Variants in AK8 observed in about 807,000 individuals in gnomAD.
AK8 encodes ATP-AMP transphosphorylase 8.
A neutral mutation model predicts 54.6 loss-of-function variants in AK8; 44 were observed. That is an observed-to-expected ratio of 0.81 (90% CI 0.63 to 1.04). The LOEUF (loss-of-function observed/expected upper bound fraction) is 1.04, where lower values mean the gene tolerates loss of function less well. Among genes scored for constraint, AK8 ranks in the 50% least tolerant of loss-of-function variants. The pLI, the probability that AK8 is intolerant of heterozygous loss-of-function variation, is 0.00. For missense variants in AK8, 555 were observed against 613.6 expected (o/e 0.90, Z 1.01); for synonymous variants, 239 against 245.6 (o/e 0.97, Z 0.25).
intron 11 of AK8, among the ~76,000 whole-genome samples, chr9:132,753,941 G>A (rs1462863373): frequency 2.6e-5 from 4 of 152,226 alleles, no homozygotes; most frequent in African/African-American, 9.6e-5. Flanking sequence ...AGCCCTCCAG[G>A]TGGGATAAGT....
chr9:132,773,908 G>A (rs1241332847), intron 11 of AK8, among the ~76,000 whole-genome samples: 2 of 152,186 alleles, frequency 1.3e-5, no homozygotes, highest in Non-Finnish European at 2.9e-5. Flanking sequence ...TCTGAAAGAA[G>A]AAACACCATG....
rs115215829 is a variant in AK8 at position 132,801,827 on chromosome 9, T to C, written c.980-9052A>G. On this transcript the variant is annotated intron_variant, in intron 10 of 12. Transcript: ENST00000298545. ...CCCTATGAAAGAAGTAGTCACAGTATCCCATTTTACAGATTAGAAAACTAA... is the reference window on the plus strand; with the variant it reads ...CCCTATGAAAGAAGTAGTCACAGTACCCCATTTTACAGATTAGAAAACTAA... Among the ~76,000 whole-genome samples, 745 of 152,330 alleles carry C rather than the reference T, an allele frequency of 4.9e-3. 7 individuals carry two copies. The highest frequency in any genetic ancestry group is 0.017 in the African/African-American group (687 of 41,574).
chr9:132,864,963 C>T (rs1588232442), intron 3 of AK8, among the ~76,000 whole-genome samples: 1 of 152,224 alleles, frequency 6.6e-6, no homozygotes, highest in African/African-American at 2.4e-5. Flanking sequence ...ATCTGTCATC[C>T]TCATTCCCAA....
chr9:132,788,038 AAAC>A (rs989868380), intron 11 of AK8, among the ~76,000 whole-genome samples: 25 of 152,246 alleles, frequency 1.6e-4, no homozygotes, highest in South Asian at 2.1e-4. Flanking sequence ...ACCAAAAAAA[AAAC>A]AACAACCTGA....
At chr9:132,808,240 A>C (rs531539155) in intron 10 of AK8, among the ~76,000 whole-genome samples, 1 of 152,310 alleles carries the variant, frequency 6.6e-6, no homozygotes, top group South Asian at 2.1e-4. Flanking sequence ...TGGTGACTTT[A>C]ATGGAGGTTG....
At chr9:132,851,011 G>A (rs1235472512) in intron 5 of AK8, among the ~76,000 whole-genome samples, 1 of 152,144 alleles carries the variant, frequency 6.6e-6, no homozygotes, top group African/African-American at 2.4e-5. Context: ...AACACACAGG[G>A]CAGCTATTCG....
rs538168512 is a variant in AK8 at position 132,878,068 on chromosome 9, C to G, written c.84+104G>C. ...ATCCCGAGTTGGGCTGCTTCGTGGG[C>G]GCGCGACTCGGCCCCAGCTGCGGGT... On this transcript the variant is annotated intron_variant, in intron 1 of 12. Coordinates refer to ENST00000298545, the MANE Select transcript of AK8 (RefSeq NM_152572.3). This position sits in a 1 kb window ranked among gnomAD's most constrained non-coding sequence, Gnocchi z 4.7. The G allele has an allele frequency of 1.3e-4, 201 of 1,535,354 alleles. 1 individual carries two copies. In the African/African-American group the frequency reaches 2.6e-3, roughly 20 times the overall value.
At chr9:132,746,053 G>A (rs899972267) in intron 11 of AK8, among the ~76,000 whole-genome samples, 2 of 152,090 alleles carry the variant, frequency 1.3e-5, no homozygotes, top group African/African-American at 2.4e-5. Flanking sequence ...CGGGGATGTC[G>A]AGTTTAGGGA....
intron 11 of AK8, among the ~76,000 whole-genome samples, chr9:132,728,948 AG>A (rs1490886522): frequency 1.3e-5 from 2 of 151,444 alleles, no homozygotes; most frequent in African/African-American, 4.9e-5. Flanking sequence ...ATTGTTGCTC[AG>A]GCTGGAGTGC....
At chr9:132,775,689 C>G (rs1369410159) in intron 11 of AK8, among the ~76,000 whole-genome samples, 2 of 152,200 alleles carry the variant, frequency 1.3e-5, no homozygotes, top group Non-Finnish European at 2.9e-5. Context: ...GACCCCATCT[C>G]TTCCTCAAGA....
intron 11 of AK8, among the ~76,000 whole-genome samples, chr9:132,749,423 C>T (rs1837801082): frequency 6.6e-6 from 1 of 151,832 alleles, no homozygotes; most frequent in Non-Finnish European, 1.5e-5. Flanking sequence ...TGTGCGAGGC[C>T]CCTCGTAAGG....
intron 10 of AK8, among the ~76,000 whole-genome samples, chr9:132,798,782 C>T (rs1458414348): frequency 6.6e-6 from 1 of 152,076 alleles, no homozygotes; most frequent in Non-Finnish European, 1.5e-5. Flanking sequence ...ATTTATTCCC[C>T]GCGGGGCTGG....
At position 132,799,538 on chromosome 9, in the gene AK8, CACT is replaced by C. The variant is rs941573385; in HGVS notation, c.980-6766_980-6764del. ...ATGTCTACACACACGACACCTGACA[CACT>C]ACAACACACACAGGCACGCACACAC... On this transcript the variant is annotated intron_variant, in intron 10 of 12. Transcript: ENST00000298545. This position sits in a 1 kb window ranked among gnomAD's most constrained non-coding sequence, Gnocchi z 5.0. 5.9e-5 allele frequency among the ~76,000 whole-genome samples: 9 copies of C among 151,902 alleles called. No individual in the cohort carries two copies. The highest frequency in any genetic ancestry group is 9.7e-5 in the African/African-American group (4 of 41,312).
intron 5 of AK8, among the ~76,000 whole-genome samples, chr9:132,829,491 T>G (rs893858583): frequency 2.6e-5 from 4 of 152,126 alleles, no homozygotes; most frequent in Non-Finnish European, 4.4e-5. Context: ...TTTTGGATAA[T>G]TTCCTAAAGA....
At chr9:132,729,407 G>T (rs1167972118) in intron 11 of AK8, among the ~76,000 whole-genome samples, 1 of 152,192 alleles carries the variant, frequency 6.6e-6, no homozygotes, top group Non-Finnish European at 1.5e-5. Flanking sequence ...TGAACAAACA[G>T]AATGAGAAGA....
chr9:132,769,252 A>G (rs1023142145), intron 11 of AK8: 3 of 152,562 alleles, frequency 2.0e-5, no homozygotes, highest in Admixed American at 2.0e-4. Context: ...CTTGAGCTCC[A>G]GACCCTTAGC....
At chr9:132,795,002 T>G (rs548397711) in intron 10 of AK8, among the ~76,000 whole-genome samples, 1 of 152,282 alleles carries the variant, frequency 6.6e-6, no homozygotes, top group South Asian at 2.1e-4. Context: ...GAGATGTGTG[T>G]GGGGAAGTGA....
At chr9:132,807,192 G>T (rs1014282052) in intron 10 of AK8, among the ~76,000 whole-genome samples, 2 of 152,166 alleles carry the variant, frequency 1.3e-5, no homozygotes, top group African/African-American at 4.8e-5. Context: ...AGATGCTGGG[G>T]GGGGCGGGGC....
chr9:132,824,546 T>C (rs1207965442), intron 8 of AK8, among the ~76,000 whole-genome samples: 2 of 152,212 alleles, frequency 1.3e-5, no homozygotes, highest in East Asian at 3.9e-4. Context: ...TTCTGGGCAC[T>C]GTAGGATGTT....
Sources: allele counts gnomAD v4.1 joint callset (sites outside exome capture counted in the v4.1 genomes callset), GRCh38; gene constraint gnomAD v4.1.1; non-coding constraint Gnocchi (gnomAD v3.1); transcripts MANE v1.5; gene names NCBI Gene and HGNC (gene_info 2026-07-23, HGNC 2026-07-21).